Variants in SOS2 observed in about 807,000 individuals in gnomAD.
SOS2 encodes son of sevenless homolog 2.
Under a neutral mutation model 148.2 loss-of-function variants are expected in SOS2, and 65 were observed. That is an observed-to-expected ratio of 0.44 (90% CI 0.36 to 0.54). The LOEUF is 0.54. SOS2 is among the 20% of genes least tolerant of loss of function. The probability of loss-of-function intolerance (pLI) is 0.00; values close to 1 mark genes in which losing one functional copy is unlikely to be tolerated. For synonymous variants in SOS2, 539 were observed against 537.1 expected, an observed-to-expected ratio of 1.00 and a Z score of -0.05; for missense variants, 1,341 against 1,590.2, an observed-to-expected ratio of 0.84 and a Z score of 2.67.
At chr14:50,148,610 G>A (rs990721149) in intron 14 of SOS2, among the ~76,000 whole-genome samples, 2 of 151,890 alleles carry the variant, frequency 1.3e-5, no homozygotes, top group African/African-American at 2.4e-5. Flanking sequence ...TCATTTCTAC[G>A]TATCACAAAT....
At chr14:50,165,465 A>AT (rs1201421936) in intron 8 of SOS2, among the ~76,000 whole-genome samples, 9 of 151,380 alleles carry the variant, frequency 5.9e-5, no homozygotes, top group South Asian at 2.1e-4. Flanking sequence ...ACCATTATGT[A>AT]TTTTTTTTTA....
intron 1 of SOS2, among the ~76,000 whole-genome samples, chr14:50,229,861 G>C (rs1468124370): frequency 1.3e-5 from 2 of 152,110 alleles, no homozygotes; most frequent in African/African-American, 4.8e-5. Context: ...TACTATCTAG[G>C]CATTTCCCCC....
At chr14:50,169,062 A>G (rs1039805758) in intron 8 of SOS2, among the ~76,000 whole-genome samples, 1 of 152,218 alleles carries the variant, frequency 6.6e-6, no homozygotes, top group East Asian at 1.9e-4. Context: ...CTGTAATCCC[A>G]GCAGTTTGGG....
rs144584870 is a variant in SOS2, at chr14:50,199,802, T to A, written c.399A>T (p.Val133=). 3.0e-5 allele frequency: 48 copies of A among 1,595,646 alleles called. No homozygotes were observed. The South Asian group carries it at 5.3e-4, about 18-fold the overall frequency. ...DYHVSLYIVA[V]LEYISADILK... ...AAATATCAGCTGAGATATACTCTAG[T>A]ACAGCCACAATATATAGGGATACAT... Residue 133 remains valine, a synonymous_variant, in exon 4 of 23, where the codon GTA becomes GTT. Coordinates refer to ENST00000216373, the MANE Select transcript of SOS2 (RefSeq NM_006939.4).
Position 50,159,497 on chromosome 14 carries a change from T to C in SOS2, c.1786A>G (p.Ile596Val). The part of the protein sequence containing the change: ...FEDNLQSRSG[I>V]PIIKGGTVVK... ...ACAGTTCCTCCTTTAATAATGGGGA[T>C]GCCACTTCTACTTTGCAAGTTGTCT... The change falls in exon 10 of 23, where the codon ATC becomes GTC. Residue 596 changes from isoleucine (I) to valine (V), a missense_variant. By Grantham distance (29) the Ile-to-Val change is conservative. This residue lies in a region of SOS2 where 574 missense variants were observed against 711.1 expected (regional missense o/e 0.81). Coordinates refer to ENST00000216373, the MANE Select transcript of SOS2 (RefSeq NM_006939.4). The C allele has an allele frequency of 6.2e-7, 1 of 1,612,914 alleles. No individual in the cohort carries two copies. The highest frequency in any genetic ancestry group is 8.5e-7 in the Non-Finnish European group (1 of 1,178,932).
intron 8 of SOS2, among the ~76,000 whole-genome samples, chr14:50,162,896 G>T (rs1000311067): frequency 1.4e-5 from 2 of 139,896 alleles, no homozygotes; most frequent in African/African-American, 2.7e-5. Flanking sequence ...CCAATGTTTT[G>T]ATTTTTTTTT....
intron 1 of SOS2, among the ~76,000 whole-genome samples, chr14:50,229,653 A>G (rs1887482379): frequency 6.6e-6 from 1 of 152,248 alleles, no homozygotes; most frequent in South Asian, 2.1e-4. Flanking sequence ...TATTTGAAGA[A>G]AAAGAAAACA....
chr14:50,188,671 G>A lies in SOS2; in HGVS notation c.540C>T (p.Asp180=), dbSNP rs189555369. ...CTTCACAGAGAGAAACCAAACCTATGTCATCCTGATCAAACATGTCCATCA... is the reference window on the plus strand; with the variant it reads ...CTTCACAGAGAGAAACCAAACCTATATCATCCTGATCAAACATGTCCATCA... ...KVLMDMFDQD[D]IGLVSLCEDE... is the part of the protein sequence containing the mutation. The change falls in exon 5 of 23, where the codon GAC becomes GAT. Residue 180 remains aspartate (D), a synonymous_variant. Transcript: ENST00000216373. 1.2e-4 allele frequency: 194 copies of A among 1,606,964 alleles called. 2 individuals carry two copies. The East Asian group carries it at 4.3e-3, about 35-fold the overall frequency.
At chr14:50,174,374 CTGTG>C (rs1885460354) in intron 8 of SOS2, 76 bp downstream of exon 8, 1 of 581,970 alleles carries the variant, frequency 1.7e-6, no homozygotes, top group Admixed American at 3.2e-5. Flanking sequence ...AAGACTGGTA[CTGTG>C]TGTCTCCAAA....
chr14:50,145,230 T>C lies in SOS2; in HGVS notation c.2607A>G (p.Val869=), dbSNP rs764867677. 2 of 1,611,272 alleles carry C rather than the reference T, an allele frequency of 1.2e-6. No individual in the cohort carries two copies. Among genetic ancestry groups the C allele is most frequent in the South Asian group, 2.2e-5 (2 of 90,976 alleles). The change falls in exon 16 of 23, where the codon GTA becomes GTG. Residue 869 remains valine, a synonymous_variant. Coordinates refer to ENST00000216373, the MANE Select transcript of SOS2 (RefSeq NM_006939.4). ...AATTTACTGCACTGACTATCTCCAA[T>C]ACGCCATTGAAATTATTCAAATCTT... is the stretch of plus-strand genomic sequence containing the variant. The part of the protein sequence containing the change: ...VFQDLNNFNG[V]LEIVSAVNSV...
chr14:50,209,454 C>A (rs1886791219), intron 1 of SOS2, among the ~76,000 whole-genome samples: 1 of 151,998 alleles, frequency 6.6e-6, no homozygotes, highest in African/African-American at 2.4e-5. Flanking sequence ...TTTCTATGTA[C>A]CAGCAACAAA....
chr14:50,152,053 T>C (rs1884677025), intron 13 of SOS2, among the ~76,000 whole-genome samples: 1 of 152,192 alleles, frequency 6.6e-6, no homozygotes, highest in South Asian at 2.1e-4. Flanking sequence ...TGTAGTATTA[T>C]GACAATTTCA....
chr14:50,129,826 G>T, intron 21 of SOS2, 135 bp downstream of exon 21: 2 of 589,934 alleles, frequency 3.4e-6, no homozygotes, highest in Non-Finnish European at 6.0e-6. Context: ...GTACACAGTT[G>T]TAAGCAAATA....
At chr14:50,204,777 C>G (rs1334170784) in intron 1 of SOS2, among the ~76,000 whole-genome samples, 2 of 152,188 alleles carry the variant, frequency 1.3e-5, no homozygotes, top group Non-Finnish European at 1.5e-5. Context: ...AAGGTAACAT[C>G]TGAAAAACCA....
intron 8 of SOS2, among the ~76,000 whole-genome samples, chr14:50,162,962 T>G (rs1331688316): frequency 6.6e-6 from 1 of 150,406 alleles, no homozygotes; most frequent in East Asian, 1.9e-4. Context: ...GGTGAGGTGA[T>G]CATGGCTCAC....
At chr14:50,189,463 AT>A (rs1886049594) in intron 4 of SOS2, among the ~76,000 whole-genome samples, 1 of 152,032 alleles carries the variant, frequency 6.6e-6, no homozygotes, top group Non-Finnish European at 1.5e-5. Context: ...TATGAGTAAA[AT>A]GTAGCTGATA....
At position 50,118,131 on chromosome 14, in the gene SOS2, C is replaced by T; in HGVS notation, c.*213G>A. On this transcript the variant is annotated 3_prime_UTR_variant, in exon 23 of 23. Transcript: ENST00000216373. ...TGGCCTTTTGGCAGCACTGAGGATC[C>T]AAGACAAGGCAATGCTACTGATCAC... 1.9e-6 allele frequency: 1 copy of T among 517,396 alleles called. No homozygotes were observed. The highest frequency in any genetic ancestry group is 3.4e-6 in the Non-Finnish European group (1 of 295,424). 32.1% of individuals were successfully genotyped at this position (517,396 alleles called of 1,614,324 possible).
At chr14:50,219,541 G>C (rs1446814188) in intron 1 of SOS2, among the ~76,000 whole-genome samples, 8 of 152,168 alleles carry the variant, frequency 5.3e-5, no homozygotes, top group Non-Finnish European at 1.2e-4. Flanking sequence ...GGAGAAATAG[G>C]AGGGAGAATT....
chr14:50,165,104 C>T (rs1287987445), intron 8 of SOS2, among the ~76,000 whole-genome samples: 3 of 152,134 alleles, frequency 2.0e-5, no homozygotes, highest in African/African-American at 7.2e-5. Flanking sequence ...TAGTATCATT[C>T]TCCTTTACTC....
Sources: allele counts gnomAD v4.1 joint callset (sites outside exome capture counted in the v4.1 genomes callset), GRCh38; gene constraint gnomAD v4.1.1; regional missense constraint gnomAD v4.1.1; transcripts MANE v1.5; gene names NCBI Gene and HGNC (gene_info 2026-07-23, HGNC 2026-07-21).